Variants in KIAA1549L observed in about 807,000 individuals in gnomAD.
The protein encoded by KIAA1549L is KIAA1549 like.
A neutral mutation model predicts 160.7 loss-of-function variants in KIAA1549L; 88 were observed. That is an observed-to-expected ratio of 0.55 (90% CI 0.46 to 0.65). The LOEUF is 0.65. Ranked by LOEUF, KIAA1549L falls within the 30% of genes least tolerant of loss-of-function variation. KIAA1549L has a pLI of 0.00. For missense variants in KIAA1549L, 2,258 were observed against 2,437.5 expected (o/e 0.93, Z 1.55); for synonymous variants, 950 against 976.7 (o/e 0.97, Z 0.51).
chr11:33,592,162 A>G (rs910464586), intron 12 of KIAA1549L, among the ~76,000 whole-genome samples: 29 of 152,198 alleles, frequency 1.9e-4, no homozygotes, highest in Non-Finnish European at 1.6e-4. Flanking sequence ...CAGAGTTTAG[A>G]GTTCATAGTG....
intron 6 of KIAA1549L, among the ~76,000 whole-genome samples, chr11:33,554,143 C>T (rs1436010051): frequency 6.6e-6 from 1 of 152,178 alleles, no homozygotes; most frequent in African/African-American, 2.4e-5. Flanking sequence ...TTCATGCTGA[C>T]ATTCCCTTGG....
At chr11:33,653,629 T>G (rs1216713973) in intron 17 of KIAA1549L, among the ~76,000 whole-genome samples, 1 of 152,242 alleles carries the variant, frequency 6.6e-6, no homozygotes, top group Non-Finnish European at 1.5e-5. Context: ...ATTTTATCAA[T>G]TCTGGAAAAT....
At chr11:33,526,787 G>T in intron 1 of KIAA1549L, among the ~76,000 whole-genome samples, 1 of 152,110 alleles carries the variant, frequency 6.6e-6, no homozygotes, top group East Asian at 1.9e-4. Context: ...CTCCAGCAAT[G>T]GATCCAAACC....
chr11:33,522,384 T>C (rs1284071002), intron 1 of KIAA1549L, among the ~76,000 whole-genome samples: 1 of 152,228 alleles, frequency 6.6e-6, no homozygotes, highest in Non-Finnish European at 1.5e-5. Flanking sequence ...AATAATAGTA[T>C]TCGTTATTAA....
intron 1 of KIAA1549L, among the ~76,000 whole-genome samples, chr11:33,531,857 C>T (rs561384667): frequency 1.7e-4 from 26 of 152,202 alleles, no homozygotes; most frequent in South Asian, 4.2e-4. Context: ...CTTCTGGGAA[C>T]GGAAGCCTGA....
intron 10 of KIAA1549L, 139 bp from the exon 11 acceptor site, chr11:33,583,199 G>A (rs1389348411): frequency 4.1e-6 from 3 of 727,410 alleles, no homozygotes; most frequent in Non-Finnish European, 6.6e-6. Flanking sequence ...CGGAGGTGGA[G>A]GCTTTCTAAC....
intron 16 of KIAA1549L, among the ~76,000 whole-genome samples, chr11:33,645,022 C>T (rs1281145494): frequency 6.6e-6 from 1 of 152,222 alleles, no homozygotes; most frequent in Non-Finnish European, 1.5e-5. Flanking sequence ...TGAAGCTGCT[C>T]GCTGGAATGA....
chr11:33,589,745 A>T (rs191900623), intron 11 of KIAA1549L, among the ~76,000 whole-genome samples: 1 of 148,720 alleles, frequency 6.7e-6, no homozygotes, highest in Non-Finnish European at 1.5e-5. Flanking sequence ...GAGACATCAC[A>T]CACCAGGGCC....
intron 13 of KIAA1549L, among the ~76,000 whole-genome samples, chr11:33,606,171 C>T (rs548241451): frequency 4.5e-4 from 69 of 151,988 alleles, no homozygotes; most frequent in African/African-American, 1.6e-3. Flanking sequence ...GGCTTGTTGA[C>T]CAAGAAAGAC....
chr11:33,616,038 G>T (rs1481858539), intron 15 of KIAA1549L, among the ~76,000 whole-genome samples: 1 of 152,186 alleles, frequency 6.6e-6, no homozygotes, highest in Non-Finnish European at 1.5e-5. Context: ...CTATTAGCTT[G>T]TGAGTGCCGT....
intron 13 of KIAA1549L, 36 bp downstream of exon 13, chr11:33,598,983 G>A: frequency 6.2e-7 from 1 of 1,609,262 alleles, no homozygotes; most frequent in East Asian, 2.2e-5. Context: ...ACCCCCAGCT[G>A]CTCCCACGCG....
At chr11:33,601,435 A>C (rs1229301077) in intron 13 of KIAA1549L, among the ~76,000 whole-genome samples, 1 of 152,218 alleles carries the variant, frequency 6.6e-6, no homozygotes, top group Non-Finnish European at 1.5e-5. Flanking sequence ...AATAAAATCA[A>C]TAGTGTATTT....
In KIAA1549L at chr11:33,439,393, C is replaced by CT. The variant is rs547890074; in HGVS notation, c.238+62513dup. Among the ~76,000 whole-genome samples, 547 of 150,526 alleles carry CT rather than the reference C, an allele frequency of 3.6e-3. 4 individuals are homozygous for CT. Among genetic ancestry groups the CT allele is most frequent in the African/African-American group, 0.012 (507 of 41,040 alleles). On this transcript the variant is annotated intron_variant, in intron 1 of 20. Transcript: ENST00000658780. ...CTATCACCTTGAGTATTTATCAATT[C>CT]TTTTTTTTTGTTTCTGTTTTTGTTT...
chr11:33,525,152 G>A (rs1853583373), intron 1 of KIAA1549L, among the ~76,000 whole-genome samples: 1 of 152,152 alleles, frequency 6.6e-6, no homozygotes, highest in South Asian at 2.1e-4. Flanking sequence ...ACCACTACAG[G>A]AACATACCAG....
At chr11:33,429,099 G>A (rs140150668) in intron 1 of KIAA1549L, among the ~76,000 whole-genome samples, 2,004 of 151,992 alleles carry the variant, frequency 0.013, 24 homozygotes, top group Middle Eastern at 0.058. Context: ...AGCCTCCCAA[G>A]TACCTGGGAT....
rs144172453 is a variant in KIAA1549L at position 33,508,603 on chromosome 11, T to G, written c.239-33199T>G. ...CCCCAGGCTTTGGGCAATGTACTTTTCCCCATGACCCAAATATAGTTCACA... is the reference window on the plus strand; with the variant it reads ...CCCCAGGCTTTGGGCAATGTACTTTGCCCCATGACCCAAATATAGTTCACA... On this transcript the variant is annotated intron_variant, in intron 1 of 20. Transcript: ENST00000658780. 6.2e-4 allele frequency among the ~76,000 whole-genome samples: 94 copies of G among 152,350 alleles called. 2 individuals are homozygous for G. In the East Asian group the frequency reaches 0.016, roughly 25 times the overall value.
chr11:33,598,767 C>T (rs765297834), intron 12 of KIAA1549L, 53 bp from the exon 13 acceptor site: 13 of 1,605,010 alleles, frequency 8.1e-6, no homozygotes, highest in African/African-American at 2.7e-5. Flanking sequence ...CCTTGAGAGG[C>T]GGCTGCTCTA....
chr11:33,453,401 A>G (rs1290455199), intron 1 of KIAA1549L, among the ~76,000 whole-genome samples: 1 of 152,196 alleles, frequency 6.6e-6, no homozygotes, highest in East Asian at 1.9e-4. Flanking sequence ...ATAAGTTCAA[A>G]TATGAATCAA....
chr11:33,616,168 G>T (rs1850802709), intron 15 of KIAA1549L, among the ~76,000 whole-genome samples: 1 of 152,160 alleles, frequency 6.6e-6, no homozygotes, highest in South Asian at 2.1e-4. Flanking sequence ...GGCTTGGCTG[G>T]ATCCAGGGGT....
Sources: allele counts gnomAD v4.1 joint callset (sites outside exome capture counted in the v4.1 genomes callset), GRCh38; gene constraint gnomAD v4.1.1; transcripts MANE v1.5; gene names NCBI Gene and HGNC (gene_info 2026-07-23, HGNC 2026-07-21).